Variants in TMEM232 observed in about 807,000 individuals in gnomAD.
TMEM232 encodes transmembrane protein 232.
A neutral mutation model predicts 78.8 loss-of-function variants in TMEM232; 80 were observed. That is an observed-to-expected ratio of 1.01 (90% confidence interval 0.85 to 1.22). The LOEUF (loss-of-function observed/expected upper bound fraction) is 1.22. Ranked by LOEUF, TMEM232 falls within the 50% of genes most tolerant of loss-of-function variation. TMEM232 has a pLI of 0.00. For synonymous variants in TMEM232, 297 were observed against 254.3 expected (o/e 1.17, Z -1.60); for missense variants, 881 against 742.2 (o/e 1.19, Z -2.17).
In TMEM232 at chr5:110,442,225, ACTTTCT is replaced by A. The variant is rs1163289482; in HGVS notation, c.1704-17315_1704-17310del. Among the ~76,000 whole-genome samples the A allele has an allele frequency of 3.3e-5, 5 of 151,736 alleles. No homozygotes were observed. The East Asian group carries it at 9.7e-4, about 30-fold the overall frequency. On this transcript the variant is annotated intron_variant, in intron 12 of 13. Transcript: ENST00000455884. ...ACTTTCTACCCCTATCTCTTTTTCTACTTTCTCTTTAAGGCCAATAACTCTTAGATT... is the reference window on the plus strand; with the variant it reads ...ACTTTCTACCCCTATCTCTTTTTCTACTTTAAGGCCAATAACTCTTAGATT...
At chr5:110,583,490 A>T (rs1778434493) in intron 10 of TMEM232, among the ~76,000 whole-genome samples, 1 of 151,978 alleles carries the variant, frequency 6.6e-6, no homozygotes, top group South Asian at 2.1e-4. Flanking sequence ...AATCAACTCA[A>T]AATTGATTAG....
intron 2 of TMEM232, among the ~76,000 whole-genome samples, chr5:110,665,496 G>C (rs2150122438): frequency 6.6e-6 from 1 of 152,112 alleles, no homozygotes; most frequent in African/African-American, 2.4e-5. Context: ...GAAGGGGAAG[G>C]GGAAGCAAGG....
intron 12 of TMEM232, among the ~76,000 whole-genome samples, chr5:110,440,489 T>C (rs975311680): frequency 3.9e-5 from 6 of 152,142 alleles, no homozygotes; most frequent in African/African-American, 1.2e-4. Context: ...ATATTTGAAA[T>C]GATATTTCAA....
intron 12 of TMEM232, among the ~76,000 whole-genome samples, chr5:110,444,766 A>T (rs995106696): frequency 1.3e-5 from 2 of 152,212 alleles, no homozygotes; most frequent in Non-Finnish European, 2.9e-5. Context: ...TTAAATGTGT[A>T]AATTTGTATT....
At chr5:110,563,879 G>T (rs1776035266) in intron 11 of TMEM232, among the ~76,000 whole-genome samples, 1 of 151,924 alleles carries the variant, frequency 6.6e-6, no homozygotes, top group South Asian at 2.1e-4. Flanking sequence ...CTCTGTGATT[G>T]TCTTTTTCCA....
At chr5:110,503,560 TATCATTATGA>T (rs1328111288) in intron 12 of TMEM232, among the ~76,000 whole-genome samples, 1 of 152,192 alleles carries the variant, frequency 6.6e-6, no homozygotes, top group African/African-American at 2.4e-5. Flanking sequence ...GTAAAATGTT[TATCATTATGA>T]ACCTCACTAA....
At chr5:110,434,009 G>C (rs12520182) in intron 12 of TMEM232, among the ~76,000 whole-genome samples, 4,901 of 151,710 alleles carry the variant, frequency 0.032, 245 homozygotes, top group East Asian at 0.22. Flanking sequence ...GAGTTAAGGA[G>C]GTATCTTTCC....
intron 10 of TMEM232, among the ~76,000 whole-genome samples, chr5:110,601,979 A>G (rs1235615309): frequency 6.6e-6 from 1 of 152,204 alleles, no homozygotes; most frequent in Non-Finnish European, 1.5e-5. Context: ...CAGAGGCTTC[A>G]GAAATAACAC....
chr5:110,451,926 A>C (rs1394029410), intron 12 of TMEM232, among the ~76,000 whole-genome samples: 1 of 152,136 alleles, frequency 6.6e-6, no homozygotes, highest in Admixed American at 6.5e-5. Context: ...TATTTAACAG[A>C]AAATCTGTTT....
At position 110,439,876 on chromosome 5, in the gene TMEM232, C is replaced by T. The variant is rs1169456785; in HGVS notation, c.1704-14960G>A. 2.0e-5 allele frequency among the ~76,000 whole-genome samples: 3 copies of T among 152,228 alleles called. No individual in the cohort carries two copies. The East Asian group carries it at 5.8e-4, about 29-fold the overall frequency. On this transcript the variant is annotated intron_variant, in intron 12 of 13. Coordinates refer to ENST00000455884, the MANE Select transcript of TMEM232 (RefSeq NM_001039763.4). ...CCTAGCATTACAGAATCATTGTCTA[C>T]TGCAGTTTATCTAAAATTCTCTATA...
chr5:110,470,017 G>A (rs1762503752), intron 12 of TMEM232, among the ~76,000 whole-genome samples: 1 of 152,040 alleles, frequency 6.6e-6, no homozygotes, highest in South Asian at 2.1e-4. Flanking sequence ...TACCATGTTG[G>A]AGTTCGTACT....
intron 11 of TMEM232, among the ~76,000 whole-genome samples, chr5:110,535,708 C>T (rs771517048): frequency 5.3e-5 from 8 of 151,868 alleles, no homozygotes; most frequent in African/African-American, 1.5e-4. Context: ...GAGTTATGAA[C>T]GAATAAATGA....
chr5:110,566,995 A>T (rs1266401115), intron 11 of TMEM232, among the ~76,000 whole-genome samples: 1 of 151,930 alleles, frequency 6.6e-6, no homozygotes, highest in East Asian at 1.9e-4. Context: ...TTTACATGGC[A>T]GCAGGCAAGA....
chr5:110,478,194 T>C (rs1763458700), intron 12 of TMEM232, among the ~76,000 whole-genome samples: 1 of 151,994 alleles, frequency 6.6e-6, no homozygotes. Context: ...TTTGCTGCTA[T>C]ATGGTTCTCA....
At chr5:110,488,822 T>C (rs531661836) in intron 12 of TMEM232, among the ~76,000 whole-genome samples, 1 of 152,038 alleles carries the variant, frequency 6.6e-6, no homozygotes, top group South Asian at 2.1e-4. Flanking sequence ...TACATTAACC[T>C]AGCATAAAAA....
At chr5:110,630,535 G>C (rs1580427457) in intron 5 of TMEM232, among the ~76,000 whole-genome samples, 1 of 152,216 alleles carries the variant, frequency 6.6e-6, no homozygotes, top group South Asian at 2.1e-4. Context: ...GTGAATTCTG[G>C]TTGTATGTTG....
At position 110,642,267 on chromosome 5, in the gene TMEM232, C is replaced by T. The variant is rs1786842990; in HGVS notation, c.230G>A (p.Arg77Lys). ...CAAATGATATGCCATTACCTTACATCTGAGAATGATTTTTCTAGCTAGTTC... is the reference window on the plus strand; with the variant it reads ...CAAATGATATGCCATTACCTTACATTTGAGAATGATTTTTCTAGCTAGTTC... ...LLELARKIILRCKRKLGLKTL... is the reference protein window; with the variant it reads ...LLELARKIILKCKRKLGLKTL... The change falls in exon 3 of 14, where the codon AGA (arginine) becomes AAA (lysine). Residue 77 changes from arginine (R) to lysine (K), a missense_variant. Transcript: ENST00000455884. The T allele has an allele frequency of 2.0e-6, 3 of 1,532,760 alleles. No homozygotes were observed. Among genetic ancestry groups the T allele is most frequent in the African/African-American group, 1.4e-5 (1 of 71,958 alleles). 94.9% of individuals were successfully genotyped at this position (1,532,760 alleles called of 1,614,324 possible).
chr5:110,737,799 T>C (rs1027821307), intron 1 of TMEM232, among the ~76,000 whole-genome samples: 1 of 152,232 alleles, frequency 6.6e-6, no homozygotes, highest in Non-Finnish European at 1.5e-5. Flanking sequence ...TGCCTTTCAA[T>C]TGTGATTACT....
At chr5:110,566,729 C>G (rs1208344466) in intron 11 of TMEM232, among the ~76,000 whole-genome samples, 1 of 151,926 alleles carries the variant, frequency 6.6e-6, no homozygotes, top group East Asian at 1.9e-4. Flanking sequence ...CTATCTTCTT[C>G]AGAGCTCTTC....
Sources: gnomAD v4.1 joint callset for allele counts (sites outside exome capture counted in the v4.1 genomes callset) on GRCh38, gnomAD v4.1.1 for gene constraint, MANE v1.5 for transcripts, NCBI Gene and HGNC (gene_info 2026-07-23, HGNC 2026-07-21) for gene names.